CRTAP: variants seen among roughly 807,000 people sequenced by gnomAD.
CRTAP encodes cartilage associated protein, also known as cartilage-associated protein.
A neutral mutation model predicts 42.7 loss-of-function variants in CRTAP; 33 were observed. That is an observed-to-expected ratio of 0.77 (90% CI 0.59 to 1.03). The LOEUF is 1.03. CRTAP is among the 50% of genes least tolerant of loss of function. The pLI is 0.00. For missense variants in CRTAP, 613 were observed against 533.9 expected (o/e 1.15, Z -1.46); for synonymous variants, 243 against 217.7 (o/e 1.12, Z -1.02).
rs112399944 is a variant in CRTAP, at chr3:33,143,809, G to A, written c.*1361G>A. The A allele has an allele frequency of 4.3e-3, 660 of 152,290 alleles. No individual in the cohort carries two copies. The highest frequency in any genetic ancestry group is 7.5e-3 in the Admixed American group (115 of 15,286). 9.4% of individuals were successfully genotyped at this position (152,290 alleles called of 1,614,324 possible). Reference sequence around the variant, plus strand: ...ACAAGGCATTCCAGGCAGAGGAACAGGATGTGCACTGCCCCAAAGTGAGAA... The same window carrying A: ...ACAAGGCATTCCAGGCAGAGGAACAAGATGTGCACTGCCCCAAAGTGAGAA... On this transcript the variant is annotated 3_prime_UTR_variant, in exon 7 of 7. Transcript: ENST00000320954.
At chr3:33,135,709 A>G (rs1397781981) in intron 6 of CRTAP, among the ~76,000 whole-genome samples, 3 of 151,922 alleles carry the variant, frequency 2.0e-5, no homozygotes, top group Non-Finnish European at 4.4e-5. Context: ...ATTTTGGTAT[A>G]TATCTTTCCA....
In CRTAP at chr3:33,132,652, C is replaced by A; in HGVS notation, c.1020C>A (p.Tyr340Ter). 1 of 1,614,152 alleles carries A rather than the reference C, an allele frequency of 6.2e-7. No homozygotes were observed. Among genetic ancestry groups the A allele is most frequent in the East Asian group, 2.2e-5 (1 of 44,884 alleles). The stretch of plus-strand genomic sequence containing the variant: ...AGCAGAACCTGGTGTATTACCAGTA[C>A]CACAGGGACACTTGGGGCCTCTCGG... The part of the protein sequence containing the change: ...VMQQNLVYYQ[Y>*]HRDTWGLSDE... Residue 340 changes from tyrosine (Y) to a stop codon, truncating the protein, a stop_gained, in exon 5 of 7, where the codon TAC becomes TAA. Coordinates refer to ENST00000320954, the MANE Select transcript of CRTAP (RefSeq NM_006371.5). LOFTEE classifies it high-confidence loss of function.
chr3:33,117,451 C>G (rs1338124712), intron 1 of CRTAP, among the ~76,000 whole-genome samples: 3 of 152,210 alleles, frequency 2.0e-5, no homozygotes, highest in Admixed American at 1.3e-4. Context: ...CACCAGCCTA[C>G]TCTAGGTCCA....
intron 6 of CRTAP, among the ~76,000 whole-genome samples, chr3:33,134,776 T>G (rs2030373936): frequency 6.6e-6 from 1 of 152,092 alleles, no homozygotes; most frequent in African/African-American, 2.4e-5. Flanking sequence ...TTGTGATGAG[T>G]CTGGTCACAG....
intron 2 of CRTAP, among the ~76,000 whole-genome samples, chr3:33,121,777 GT>G (rs896275683): frequency 6.6e-6 from 1 of 152,104 alleles, no homozygotes; most frequent in African/African-American, 2.4e-5. Context: ...GCCTTTATGG[GT>G]AAAGTCTCTA....
chr3:33,134,883 C>T (rs1364169472), intron 6 of CRTAP, among the ~76,000 whole-genome samples: 1 of 152,082 alleles, frequency 6.6e-6, no homozygotes, highest in African/African-American at 2.4e-5. Context: ...TATTGGAGCT[C>T]GAAGAGAGCT....
At chr3:33,133,851 C>CTT (rs1437701794) in intron 5 of CRTAP, among the ~76,000 whole-genome samples, 2 of 152,146 alleles carry the variant, frequency 1.3e-5, no homozygotes, top group Non-Finnish European at 2.9e-5. Flanking sequence ...TTATATATTA[C>CTT]TTTCAAAAGA....
At chr3:33,126,008 A>G (rs9682125) in intron 3 of CRTAP, among the ~76,000 whole-genome samples, 2 of 152,260 alleles carry the variant, frequency 1.3e-5, no homozygotes, top group Admixed American at 1.3e-4. Flanking sequence ...CCATTGTTCA[A>G]TGTACACTCC....
rs147476427 is a variant in CRTAP, at chr3:33,129,385, C to T, written c.794-554C>T. Reference sequence around the variant, plus strand: ...TAATTACAAAAGAGGTGTAGTGTCTCTCAATGTTTTTTAGACATTTTAATA... The same window carrying T: ...TAATTACAAAAGAGGTGTAGTGTCTTTCAATGTTTTTTAGACATTTTAATA... On this transcript the variant is annotated intron_variant, in intron 3 of 6. Transcript: ENST00000320954. Among the ~76,000 whole-genome samples the T allele has an allele frequency of 2.4e-3, 362 of 152,158 alleles. 1 individual carries two copies. The highest frequency in any genetic ancestry group is 8.3e-3 in the African/African-American group (343 of 41,494).
At chr3:33,136,105 T>C (rs2030412904) in intron 6 of CRTAP, among the ~76,000 whole-genome samples, 2 of 152,222 alleles carry the variant, frequency 1.3e-5, no homozygotes, top group Non-Finnish European at 2.9e-5. Flanking sequence ...TTTCTGTTTC[T>C]GTGGATTTGC....
chr3:33,132,049 A>C (rs2030281660), intron 4 of CRTAP, among the ~76,000 whole-genome samples: 2 of 151,950 alleles, frequency 1.3e-5, no homozygotes, highest in Admixed American at 6.6e-5. Context: ...AGGAGGTGGC[A>C]AAACTAGGCG....
intron 6 of CRTAP, among the ~76,000 whole-genome samples, chr3:33,137,438 G>A (rs369845592): frequency 2.6e-5 from 4 of 152,322 alleles, no homozygotes; most frequent in African/African-American, 9.6e-5. Flanking sequence ...ACTGCACCCA[G>A]CTTGACTTGC....
At chr3:33,138,184 C>G (rs551565115) in intron 6 of CRTAP, among the ~76,000 whole-genome samples, 1 of 152,014 alleles carries the variant, frequency 6.6e-6, no homozygotes, top group Non-Finnish European at 1.5e-5. Context: ...AATTGTGAGT[C>G]CTCCAACGTT....
chr3:33,114,977 A>G (rs899369997), intron 1 of CRTAP, among the ~76,000 whole-genome samples: 1 of 152,138 alleles, frequency 6.6e-6, no homozygotes, highest in African/African-American at 2.4e-5. Flanking sequence ...ACAGGGTCTC[A>G]CAGTCGCCCA....
rs1027971354 is a variant in CRTAP, at chr3:33,145,802, ATGT to A, written c.*3362_*3364del. ...TGAGCCTGGGGTGAGCTCTCTGTAC[ATGT>A]TGTTGTTCCACGTATGGGTTGACTT... On this transcript the variant is annotated 3_prime_UTR_variant, in exon 7 of 7. Coordinates refer to ENST00000320954, the MANE Select transcript of CRTAP (RefSeq NM_006371.5). This position sits in a 1 kb window ranked among gnomAD's most constrained non-coding sequence, Gnocchi z 4.3. The A allele has an allele frequency of 3.9e-5, 6 of 152,122 alleles. 1 individual carries two copies. Among genetic ancestry groups the A allele is most frequent in the African/African-American group, 1.2e-4 (5 of 41,288 alleles). The allele number at this position is 152,122 out of a possible 1,614,324, so 9.4% of individuals were successfully genotyped here.
chr3:33,130,877 A>T (rs1175475373), intron 4 of CRTAP, among the ~76,000 whole-genome samples: 1 of 151,944 alleles, frequency 6.6e-6, no homozygotes, highest in Non-Finnish European at 1.5e-5. Context: ...CTGAAATGGG[A>T]GTTTCTCAAT....
intron 3 of CRTAP, among the ~76,000 whole-genome samples, chr3:33,127,360 A>G (rs1210358825): frequency 6.6e-6 from 1 of 152,090 alleles, no homozygotes; most frequent in African/African-American, 2.4e-5. Flanking sequence ...TAGATTCACC[A>G]ATTTGTAACA....
At chr3:33,133,806 A>G (rs1219055357) in intron 5 of CRTAP, among the ~76,000 whole-genome samples, 1 of 152,104 alleles carries the variant, frequency 6.6e-6, no homozygotes. Flanking sequence ...AGGCAAACTC[A>G]CCACTTAGCA....
At position 33,114,561 on chromosome 3, in the gene CRTAP, C is replaced by T. The variant is rs770975997; in HGVS notation, c.471+13C>T. The T allele has an allele frequency of 5.3e-5, 83 of 1,564,042 alleles. No homozygotes were observed. Among genetic ancestry groups the T allele is most frequent in the Admixed American group, 1.1e-4 (6 of 53,540 alleles). On this transcript the variant is annotated intron_variant, in intron 1 of 6. Coordinates refer to ENST00000320954, the MANE Select transcript of CRTAP (RefSeq NM_006371.5). ...CGCTTACTTCAAGGCAAGTCCGCCT[C>T]GCCCCGTCCCAGGCCCCGGCCCCGC...
Sources: gnomAD v4.1 joint callset for allele counts (sites outside exome capture counted in the v4.1 genomes callset) on GRCh38, gnomAD v4.1.1 for gene constraint, Gnocchi (gnomAD v3.1) non-coding constraint, MANE v1.5 for transcripts, NCBI Gene and HGNC (gene_info 2026-07-23, HGNC 2026-07-21) for gene names.